TSHR: variants seen among roughly 807,000 people sequenced by gnomAD.
The protein encoded by TSHR is thyroid stimulating hormone receptor, also known as thyrotropin receptor.
A neutral mutation model predicts 64.1 loss-of-function variants in TSHR; 51 were observed. That is an observed-to-expected ratio of 0.80 (90% CI 0.64 to 1.01). The LOEUF is 1.01. Among genes scored for constraint, TSHR ranks in the 50% least tolerant of loss-of-function variants. The probability of loss-of-function intolerance (pLI) is 0.00; values close to 1 mark genes in which losing one functional copy is unlikely to be tolerated. For missense variants in TSHR, 877 were observed against 942.8 expected, an observed-to-expected ratio of 0.93 and a Z score of 0.91; for synonymous variants, 361 against 361.9, an observed-to-expected ratio of 1.00 and a Z score of 0.03.
At chr14:81,059,062 A>G (rs1464672863) in intron 1 of TSHR, among the ~76,000 whole-genome samples, 1 of 152,132 alleles carries the variant, frequency 6.6e-6, no homozygotes, top group African/African-American at 2.4e-5. Flanking sequence ...GCCGGAGCAC[A>G]TGTGTCTGGG....
intron 1 of TSHR, among the ~76,000 whole-genome samples, chr14:80,978,946 T>C (rs1009026096): frequency 1.3e-5 from 2 of 152,238 alleles, no homozygotes; most frequent in Non-Finnish European, 1.5e-5. Flanking sequence ...TGAATTTGAA[T>C]TTCAGATCTG....
intron 7 of TSHR, among the ~76,000 whole-genome samples, chr14:81,101,301 G>A (rs1236871755): frequency 3.3e-5 from 5 of 152,174 alleles, no homozygotes; most frequent in African/African-American, 1.2e-4. Flanking sequence ...ATGATCAGAT[G>A]GCCTTCTGAA....
chr14:81,047,548 A>G (rs979299505), intron 1 of TSHR, among the ~76,000 whole-genome samples: 1 of 152,214 alleles, frequency 6.6e-6, no homozygotes, highest in African/African-American at 2.4e-5. Flanking sequence ...GAACTGCCAA[A>G]AGGCATGTGA....
intron 1 of TSHR, among the ~76,000 whole-genome samples, chr14:81,044,664 A>AG (rs1885086841): frequency 7.4e-6 from 1 of 134,778 alleles, no homozygotes; most frequent in Non-Finnish European, 1.7e-5. Context: ...TCTCAAAAAA[A>AG]AAAAAAAAAA....
chr14:80,974,210 C>A (rs544760395), intron 1 of TSHR, among the ~76,000 whole-genome samples: 1 of 152,178 alleles, frequency 6.6e-6, no homozygotes, highest in Non-Finnish European at 1.5e-5. Context: ...GGAGGGCAAG[C>A]TTCCATGCAG....
intron 1 of TSHR, among the ~76,000 whole-genome samples, chr14:81,037,287 T>C (rs1884675348): frequency 6.7e-6 from 1 of 149,630 alleles, no homozygotes; most frequent in Non-Finnish European, 1.5e-5. Context: ...AGCCCCATGG[T>C]AACCACAAAG....
At chr14:81,050,328 T>C (rs1377623864) in intron 1 of TSHR, 1 of 152,214 alleles carries the variant, frequency 6.6e-6, no homozygotes, top group South Asian at 2.1e-4. Context: ...ACAACAATAC[T>C]ATGCTCTCTT....
Position 81,144,672 on chromosome 14 carries a change from G to A in TSHR, c.*319G>A, listed in dbSNP as rs886050857. 11 of 378,938 alleles carry A rather than the reference G, an allele frequency of 2.9e-5. No homozygotes were observed. The highest frequency in any genetic ancestry group is 5.3e-5 in the Non-Finnish European group (11 of 207,970). 23.5% of individuals were successfully genotyped at this position (378,938 alleles called of 1,614,324 possible). On this transcript the variant is annotated 3_prime_UTR_variant, in exon 10 of 10. Coordinates refer to ENST00000298171, the MANE Select transcript of TSHR (RefSeq NM_000369.5). Reference sequence around the variant, plus strand: ...AGGATGTTCAGTAAATATTAACTGAGCTATGTCAATATAGAGCTTCTCAGT... The same window carrying A: ...AGGATGTTCAGTAAATATTAACTGAACTATGTCAATATAGAGCTTCTCAGT...
At chr14:81,127,105 C>T (rs1891049328) in intron 8 of TSHR, among the ~76,000 whole-genome samples, 1 of 152,174 alleles carries the variant, frequency 6.6e-6, no homozygotes, top group Non-Finnish European at 1.5e-5. Flanking sequence ...ATAAATCAAC[C>T]TTGGATTAAA....
intron 7 of TSHR, among the ~76,000 whole-genome samples, chr14:81,100,757 G>T (rs1889526751): frequency 6.6e-6 from 1 of 152,220 alleles, no homozygotes; most frequent in Admixed American, 6.5e-5. Context: ...AGGGTGAGAG[G>T]TAGGAAGGAG....
chr14:81,087,874 A>G, intron 3 of TSHR, 80 bp from the exon 4 acceptor site: 1 of 1,167,782 alleles, frequency 8.6e-7, no homozygotes, highest in South Asian at 1.2e-5. Context: ...CGTTTGTTAA[A>G]ACTGATTTAT....
intron 8 of TSHR, among the ~76,000 whole-genome samples, chr14:81,125,358 G>A (rs1890976619): frequency 6.6e-6 from 1 of 152,202 alleles, no homozygotes; most frequent in African/African-American, 2.4e-5. Context: ...TTGGGATGTT[G>A]TGTTGAAATC....
chr14:81,105,335 T>TTCCATCTGAAG, intron 7 of TSHR: 2 of 719,920 alleles, frequency 2.8e-6, no homozygotes, highest in Non-Finnish European at 3.4e-6. Context: ...CTGTCTTGAC[T>TTCCATCTGAAG]TCAGATGGAA....
rs568101705 is a variant in TSHR, at chr14:81,103,063, A to G, written c.615-5312A>G. On this transcript the variant is annotated intron_variant, in intron 7 of 9. Transcript: ENST00000298171. This position sits in a 1 kb window ranked among gnomAD's most constrained non-coding sequence, Gnocchi z 4.1. Reference sequence around the variant, plus strand: ...TCCTAGATTTAAGCACTTCAGTAAAAGGTATCATGTAAATCCAGTGTAAAA... The same window carrying G: ...TCCTAGATTTAAGCACTTCAGTAAAGGGTATCATGTAAATCCAGTGTAAAA... 3,099 of 985,418 alleles carry G rather than the reference A, an allele frequency of 3.1e-3. 13 individuals carry two copies. Among genetic ancestry groups the G allele is most frequent in the Non-Finnish European group, 3.4e-3 (2,805 of 829,914 alleles). 61.0% of individuals were successfully genotyped at this position (985,418 alleles called of 1,614,324 possible). A position where few individuals can be genotyped will look rare whatever the true frequency, so the allele number is the denominator to read the frequency against.
intron 1 of TSHR, among the ~76,000 whole-genome samples, chr14:80,988,675 T>C (rs1888590297): frequency 6.6e-6 from 1 of 152,208 alleles, no homozygotes; most frequent in Admixed American, 6.5e-5. Context: ...ATGTCTCAAC[T>C]GATTTGGATG....
At chr14:81,029,074 A>G (rs1026348087) in intron 1 of TSHR, among the ~76,000 whole-genome samples, 1 of 151,952 alleles carries the variant, frequency 6.6e-6, no homozygotes, top group African/African-American at 2.4e-5. Context: ...AAAACAATTT[A>G]CCAAAACTGA....
intron 8 of TSHR, among the ~76,000 whole-genome samples, chr14:81,134,262 C>T (rs990817282): frequency 2.0e-5 from 3 of 152,032 alleles, no homozygotes; most frequent in African/African-American, 4.8e-5. Context: ...CTCAGCCTCC[C>T]GAGTAGCTAG....
intron 1 of TSHR, among the ~76,000 whole-genome samples, chr14:81,041,761 G>C (rs561233580): frequency 5.9e-5 from 9 of 152,170 alleles, no homozygotes; most frequent in African/African-American, 2.2e-4. Context: ...TCTATGGTTA[G>C]ATATGCTTAG....
chr14:81,132,831 A>C (rs1026760267), intron 8 of TSHR, among the ~76,000 whole-genome samples: 2 of 149,270 alleles, frequency 1.3e-5, no homozygotes, highest in Non-Finnish European at 3.0e-5. Flanking sequence ...ACCCATAACA[A>C]CTCTTTATAT....
Sources: allele counts gnomAD v4.1 joint callset (sites outside exome capture counted in the v4.1 genomes callset), GRCh38; gene constraint gnomAD v4.1.1; non-coding constraint Gnocchi (gnomAD v3.1); transcripts MANE v1.5; gene names NCBI Gene and HGNC (gene_info 2026-07-23, HGNC 2026-07-21).